Variants in RNF19A observed in about 807,000 individuals in gnomAD.
The protein encoded by RNF19A is ring finger protein 19A, RBR E3 ubiquitin protein ligase.
A neutral mutation model predicts 75.7 loss-of-function variants in RNF19A; 32 were observed. The ratio of observed to expected loss-of-function variants is 0.42; its 90% CI spans 0.32 to 0.57. The LOEUF is 0.57. Among genes scored for constraint, RNF19A ranks in the 20% least tolerant of loss-of-function variants. The pLI, the probability that RNF19A is intolerant of heterozygous loss-of-function variation, is 0.10. For missense variants in RNF19A, 782 were observed against 1,036.3 expected (o/e 0.75, Z 3.37); for synonymous variants, 335 against 345.2 (o/e 0.97, Z 0.33).
chr8:100,277,836 G>A (rs997585633), intron 2 of RNF19A, among the ~76,000 whole-genome samples: 1 of 152,078 alleles, frequency 6.6e-6, no homozygotes, highest in African/African-American at 2.4e-5. Flanking sequence ...AAGCTAAAGT[G>A]TAGTCTTTGT....
upstream of RNF19A, among the ~76,000 whole-genome samples, chr8:100,310,916 G>A (rs761251835): frequency 7.2e-5 from 11 of 152,040 alleles, no homozygotes; most frequent in Non-Finnish European, 1.5e-4. Context: ...ACTAGTCTTG[G>A]TATTCTTAGT....
intron 1 of RNF19A, chr8:100,309,609 G>A (rs1822215975): frequency 3.1e-6 from 3 of 955,680 alleles, no homozygotes; most frequent in South Asian, 4.8e-5. Flanking sequence ...CTCGGCCCCC[G>A]CGGCCCGGGA....
chr8:100,258,860 C>T lies in RNF19A; in HGVS notation c.2213G>A (p.Ser738Asn), dbSNP rs1488830073. The change falls in exon 10 of 10, where the codon AGC becomes AAC. Residue 738 changes from serine (S) to asparagine (N), a missense_variant. Ser to Asn is a conservative substitution (Grantham distance 46, BLOSUM62 1). This residue lies in a region of RNF19A where 442 missense variants were observed against 541.6 expected (regional missense o/e 0.82). Transcript: ENST00000341084. The surrounding 1 kb of genome is among the most constrained non-coding windows in gnomAD (Gnocchi z 4.3). Reference protein sequence around the residue: ...FSEFSCSDLESMKTSCSHGSS... With the variant: ...FSEFSCSDLENMKTSCSHGSS... ...ACCATGACTACAAGAAGTTTTCATG[C>T]TTTCTAGGTCAGAACAACTAAATTC... is the stretch of plus-strand genomic sequence containing the variant. 5 of 1,614,004 alleles carry T rather than the reference C, an allele frequency of 3.1e-6. No homozygotes were observed. In the Admixed American group the frequency reaches 6.7e-5, roughly 22 times the overall value.
chr8:100,264,244 T>A lies in RNF19A; in HGVS notation c.1307-49A>T. The A allele has an allele frequency of 6.9e-7, 1 of 1,454,420 alleles. No individual in the cohort carries two copies. The highest frequency in any genetic ancestry group is 1.2e-5 in the South Asian group (1 of 82,272). 90.1% of individuals were successfully genotyped at this position (1,454,420 alleles called of 1,614,324 possible). A position where few individuals can be genotyped will look rare whatever the true frequency, so the allele number is the denominator to read the frequency against. ...TTACAAACAACAACAACAAAATAAC[T>A]CACAGAAACATGAGTTTTAGAAAGT... On this transcript the variant is annotated intron_variant, in intron 6 of 9. Coordinates refer to ENST00000341084, the MANE Select transcript of RNF19A (RefSeq NM_183419.4). This position sits in a 1 kb window ranked among gnomAD's most constrained non-coding sequence, Gnocchi z 4.7.
At position 100,259,280 on chromosome 8, in the gene RNF19A, T is replaced by G. The variant is rs1819602103; in HGVS notation, c.1827-34A>C. On this transcript the variant is annotated intron_variant, in intron 9 of 9. Transcript: ENST00000341084. This position sits in a 1 kb window ranked among gnomAD's most constrained non-coding sequence, Gnocchi z 4.5. Reference sequence around the variant, plus strand: ...TAAGAGTAACAAATACAAACATAATTGCTGACTTCTTTTTGTTCAGATGAC... The same window carrying G: ...TAAGAGTAACAAATACAAACATAATGGCTGACTTCTTTTTGTTCAGATGAC... 2.6e-6 allele frequency: 4 copies of G among 1,534,542 alleles called. No individual in the cohort carries two copies. Among genetic ancestry groups the G allele is most frequent in the Non-Finnish European group, 2.7e-6 (3 of 1,130,074 alleles).
At chr8:100,306,905 C>T (rs547515664) in intron 1 of RNF19A, among the ~76,000 whole-genome samples, 1 of 152,238 alleles carries the variant, frequency 6.6e-6, no homozygotes, top group South Asian at 2.1e-4. Context: ...AGCTATTCTC[C>T]GTAAGTAGTA....
intron 1 of RNF19A, among the ~76,000 whole-genome samples, chr8:100,315,584 ACT>A (rs1563872801): frequency 6.6e-6 from 1 of 152,110 alleles, no homozygotes. Flanking sequence ...GACTAAATAT[ACT>A]GATTTCCAAA....
At chr8:100,310,571 A>G (rs1191638982), upstream of RNF19A, among the ~76,000 whole-genome samples, 1 of 152,152 alleles carries the variant, frequency 6.6e-6, no homozygotes, top group Non-Finnish European at 1.5e-5. Context: ...GCCGAGGGAG[A>G]GAAGTGCCGG....
rs1161730936 is a variant in RNF19A, at chr8:100,275,150, A to G, written c.686T>C (p.Ile229Thr). Residue 229 changes from isoleucine to threonine, a missense_variant, in exon 3 of 10, where the codon ATA becomes ACA. Transcript: ENST00000341084. This position sits in a 1 kb window ranked among gnomAD's most constrained non-coding sequence, Gnocchi z 4.3. The stretch of plus-strand genomic sequence containing the variant: ...TGGACAGCTGGCACATCCAAATGCT[A>G]TCACAGCATATCTTGAAAGAACAAG... Reference protein sequence around the residue: ...CPAPDCGYAVIAFGCASCPKL... With the variant: ...CPAPDCGYAVTAFGCASCPKL... 1 of 1,613,682 alleles carries G rather than the reference A, an allele frequency of 6.2e-7. No individual in the cohort carries two copies. The highest frequency in any genetic ancestry group is 8.5e-7 in the Non-Finnish European group (1 of 1,179,730).
intron 2 of RNF19A, among the ~76,000 whole-genome samples, chr8:100,282,177 T>C (rs1373635907): frequency 1.3e-5 from 2 of 152,194 alleles, no homozygotes; most frequent in African/African-American, 4.8e-5. Flanking sequence ...ACATGTCTCC[T>C]GTGTCATACA....
rs1819871728 is a variant in RNF19A, at chr8:100,264,389, A to G, written c.1307-194T>C. 3.3e-6 allele frequency: 2 copies of G among 599,006 alleles called. No homozygotes were observed. Among genetic ancestry groups the G allele is most frequent in the South Asian group, 4.6e-5 (2 of 43,120 alleles). 37.1% of individuals were successfully genotyped at this position (599,006 alleles called of 1,614,324 possible). ...TTCAAGGTTCCCAGCCTTTCAGGTA[A>G]TGCACATAAGGGGAAAAAGAGAGAG... On this transcript the variant is annotated intron_variant, in intron 6 of 9. Transcript: ENST00000341084. This position sits in a 1 kb window ranked among gnomAD's most constrained non-coding sequence, Gnocchi z 4.7.
intron 1 of RNF19A, chr8:100,309,549 G>C: frequency 1.0e-6 from 1 of 984,070 alleles, no homozygotes; most frequent in Non-Finnish European, 1.2e-6. Context: ...CCGGCCGCCG[G>C]CCGCACAGGC....
intron 7 of RNF19A, 77 bp downstream of exon 7, chr8:100,263,957 G>T: frequency 8.1e-7 from 1 of 1,234,950 alleles, no homozygotes; most frequent in Non-Finnish European, 1.1e-6. Flanking sequence ...GAAATTCTGA[G>T]TTGCATGTTA....
At position 100,259,779 on chromosome 8, in the gene RNF19A, G is replaced by A; in HGVS notation, c.1826+75C>T. 1 of 1,344,040 alleles carries A rather than the reference G, an allele frequency of 7.4e-7. No individual in the cohort carries two copies. Among genetic ancestry groups the A allele is most frequent in the South Asian group, 1.3e-5 (1 of 74,990 alleles). 83.3% of individuals were successfully genotyped at this position (1,344,040 alleles called of 1,614,324 possible). A position where few individuals can be genotyped will look rare whatever the true frequency, so the allele number is the denominator to read the frequency against. On this transcript the variant is annotated intron_variant, in intron 9 of 9. Coordinates refer to ENST00000341084, the MANE Select transcript of RNF19A (RefSeq NM_183419.4). This position sits in a 1 kb window ranked among gnomAD's most constrained non-coding sequence, Gnocchi z 4.5. ...AATAGTTGGTAGCCACTTTTCACTGGTAATTTGTCTAATGATAGGAATTAT... is the reference window on the plus strand; with the variant it reads ...AATAGTTGGTAGCCACTTTTCACTGATAATTTGTCTAATGATAGGAATTAT...
intron 1 of RNF19A, among the ~76,000 whole-genome samples, chr8:100,326,338 G>T (rs1822533192): frequency 1.3e-5 from 2 of 152,058 alleles, no homozygotes; most frequent in African/African-American, 4.8e-5. Flanking sequence ...GTTGATTCCA[G>T]AGCACAGTTC....
chr8:100,276,723 CA>C (rs60419107), intron 2 of RNF19A, among the ~76,000 whole-genome samples: 11,233 of 80,542 alleles, frequency 0.14, 1,111 homozygotes, highest in African/African-American at 0.4. Context: ...ACCACTGTAC[CA>C]AAAAAAAAAA....
At position 100,322,233 on chromosome 8, in the gene RNF19A, TTAGTA is replaced by T. The variant is rs1215383464; in HGVS notation, c.-242-8866_-242-8862del. On this transcript the variant is annotated intron_variant, in intron 1 of 3. Transcript: ENST00000519527. The surrounding 1 kb of genome is among the most constrained non-coding windows in gnomAD (Gnocchi z 5.1). ...TTAGTCTATATTGAAAATCTGTTGT[TTAGTA>T]TAGTCCCTTTTATTAATGATCTTAG... Among the ~76,000 whole-genome samples the T allele has an allele frequency of 6.6e-6, 1 of 152,212 alleles. No homozygotes were observed. Among genetic ancestry groups the T allele is most frequent in the Non-Finnish European group, 1.5e-5 (1 of 68,040 alleles).
rs1822576988 is a variant in RNF19A, at chr8:100,329,037, C to A, written c.-243+7071G>T. ...TGATGACTCTTCTCCAAAGCACAGG[C>A]CAGATGTGACTAATTCCAGGTGCCT... is the stretch of plus-strand genomic sequence containing the variant. On this transcript the variant is annotated intron_variant, in intron 1 of 3. Transcript: ENST00000519527. The surrounding 1 kb of genome is among the most constrained non-coding windows in gnomAD (Gnocchi z 4.3). Among the ~76,000 whole-genome samples the A allele has an allele frequency of 6.6e-6, 1 of 152,116 alleles. No individual in the cohort carries two copies. The highest frequency in any genetic ancestry group is 6.5e-5 in the Admixed American group (1 of 15,268).
intron 2 of RNF19A, among the ~76,000 whole-genome samples, chr8:100,285,502 CCAAT>C (rs1304432133): frequency 6.6e-6 from 1 of 152,082 alleles, no homozygotes; most frequent in African/African-American, 2.4e-5. Context: ...GATGACATTA[CCAAT>C]CAATCTAGTA....
Sources: allele counts gnomAD v4.1 joint callset (sites outside exome capture counted in the v4.1 genomes callset), GRCh38; gene constraint gnomAD v4.1.1; regional missense constraint gnomAD v4.1.1; non-coding constraint Gnocchi (gnomAD v3.1); transcripts MANE v1.5; gene names NCBI Gene and HGNC (gene_info 2026-07-23, HGNC 2026-07-21).